CLCN2: variants seen among roughly 807,000 people sequenced by gnomAD.
CLCN2 encodes the protein chloride voltage-gated channel 2, also known as chloride channel protein 2.
CLCN2 carries 72 observed loss-of-function variants against 108.3 expected under a neutral mutation model. The observed-to-expected ratio is 0.66, with a 90% CI of 0.55 to 0.81. The LOEUF (loss-of-function observed/expected upper bound fraction) is 0.81, where lower values mean the gene tolerates loss of function less well. Ranked by LOEUF, CLCN2 falls within the 30% of genes least tolerant of loss-of-function variation. The pLI is 0.00. For missense variants in CLCN2, 1,048 were observed against 1,205.2 expected (o/e 0.87, Z 1.93); for synonymous variants, 471 against 467.1 (o/e 1.01, Z -0.11).
At chr3:184,351,983 A>T in intron 22 of CLCN2, 30 bp downstream of exon 22, 1 of 1,523,560 alleles carries the variant, frequency 6.6e-7, no homozygotes, top group South Asian at 1.1e-5. Context: ...GAGAGCCTAG[A>T]CCAGCCCTGG....
At chr3:184,358,438 G>T in intron 3 of CLCN2, 128 bp from the exon 4 acceptor site, 3 of 1,355,514 alleles carry the variant, frequency 2.2e-6, no homozygotes, top group Non-Finnish European at 3.1e-6. Flanking sequence ...TGAAGGAAAG[G>T]GTCCCTGAGG....
intron 15 of CLCN2, 46 bp downstream of exon 15, chr3:184,354,055 C>T (rs748646018): frequency 6.3e-7 from 1 of 1,582,632 alleles, no homozygotes. Context: ...TCTAGGATGC[C>T]CTCTGCCCTT....
At chr3:184,347,405 C>G (rs535685621) in intron 22 of CLCN2, 4 of 353,478 alleles carry the variant, frequency 1.1e-5, no homozygotes, top group African/African-American at 8.5e-5. Flanking sequence ...GTCCTGAGAA[C>G]TAAGCATTAG....
rs371193424 is a variant in CLCN2 at position 184,353,425 on chromosome 3, G to A, written c.1856-3C>T. The A allele has an allele frequency of 4.9e-4, 788 of 1,603,248 alleles. 2 individuals carry two copies. The highest frequency in any genetic ancestry group is 6.2e-4 in the Non-Finnish European group (731 of 1,174,776). On this transcript the variant is annotated splice_region_variant and splice_polypyrimidine_tract_variant and intron_variant, in intron 16 of 23. Transcript: ENST00000265593. ...GGAGCCCAGCAGAATCATGGACTCT[G>A]GACAGAACAGGTGGAAGGACTCAGG...
At chr3:184,358,904 A>G in intron 2 of CLCN2, 71 bp downstream of exon 2, 1 of 1,613,306 alleles carries the variant, frequency 6.2e-7, no homozygotes, top group Non-Finnish European at 8.5e-7. Flanking sequence ...CTCCCCCATC[A>G]GCAGCTCTAA....
intron 1 of CLCN2, 88 bp from the exon 2 acceptor site, chr3:184,359,219 C>G: frequency 3.4e-6 from 5 of 1,491,798 alleles, no homozygotes; most frequent in Non-Finnish European, 4.7e-6. Context: ...CTCCTCTTCT[C>G]CCAGCCCCCA....
rs375856357 is a variant in CLCN2, at chr3:184,353,324, G to C, written c.1954C>G (p.Arg652Gly). 6.2e-6 allele frequency: 10 copies of C among 1,613,408 alleles called. No homozygotes were observed. The highest frequency in any genetic ancestry group is 8.5e-6 in the Non-Finnish European group (10 of 1,179,984). ...AGTGGAGAGGTCTGGGTGGCTCTGCGCTCCTGCATGTGCTGCCGCCGGCGG... is the reference window on the plus strand; with the variant it reads ...AGTGGAGAGGTCTGGGTGGCTCTGCCCTCCTGCATGTGCTGCCGCCGGCGG... ...PARRRQHMQE[R>G]RATQTSPLSD... is the part of the protein sequence containing the mutation. The change falls in exon 17 of 24, where the codon CGC becomes GGC. Residue 652 changes from arginine to glycine, a missense_variant. By Grantham distance (125) the Arg-to-Gly change is moderately radical. Transcript: ENST00000265593.
chr3:184,358,345 C>T, intron 3 of CLCN2, 35 bp from the exon 4 acceptor site: 1 of 1,612,642 alleles, frequency 6.2e-7, no homozygotes, highest in Non-Finnish European at 8.5e-7. Context: ...CCCCAGTGCA[C>T]ACACCCACTG....
chr3:184,353,366 C>A lies in CLCN2; in HGVS notation c.1912G>T (p.Ala638Ser). Residue 638 changes from alanine to serine, a missense_variant, in exon 17 of 24, where the codon GCC (alanine) becomes TCC (serine). Physicochemically the swap from Ala to Ser is moderately conservative, Grantham distance 99. Transcript: ENST00000265593. ...CGCCGGCGGGCTGGGCTCAGCTGGGCCCCCAACAATGCCACCACCTGTGAA... is the reference window on the plus strand; with the variant it reads ...CGCCGGCGGGCTGGGCTCAGCTGGGACCCCAACAATGCCACCACCTGTGAA... ...ERSQVVALLG[A>S]QLSPARRRQH... is the part of the protein sequence containing the mutation. 1 of 1,613,028 alleles carries A rather than the reference C, an allele frequency of 6.2e-7. No homozygotes were observed. The highest frequency in any genetic ancestry group is 8.5e-7 in the Non-Finnish European group (1 of 1,179,828).
At chr3:184,351,883 C>G in intron 22 of CLCN2, 130 bp downstream of exon 22, 1 of 774,906 alleles carries the variant, frequency 1.3e-6, no homozygotes, top group Admixed American at 1.7e-5. Context: ...TAAAAAACAT[C>G]TCCGCACTGA....
intron 18 of CLCN2, 39 bp downstream of exon 18, chr3:184,352,994 T>A (rs1350655231): frequency 6.3e-7 from 1 of 1,591,086 alleles, no homozygotes; most frequent in Non-Finnish European, 8.6e-7. Context: ...TCTCAGTAGC[T>A]TGGCTGAGGC....
At chr3:184,359,171 G>C (rs1181960082) in intron 1 of CLCN2, 40 bp from the exon 2 acceptor site, 48 of 1,612,470 alleles carry the variant, frequency 3.0e-5, no homozygotes, top group Non-Finnish European at 4.1e-5. Context: ...GAGGTCATGG[G>C]CTGAGTGGGA....
Position 184,355,415 on chromosome 3 carries a change from CACGTGGTGGG to C in CLCN2, c.1275_1284del (p.Asn425LysfsTer14). 1 of 1,614,000 alleles carries C rather than the reference CACGTGGTGGG, an allele frequency of 6.2e-7. No homozygotes were observed. Among genetic ancestry groups the C allele is most frequent in the Admixed American group, 1.7e-5 (1 of 60,014 alleles). On this transcript the variant is annotated frameshift_variant, in exon 12 of 24. Coordinates refer to ENST00000265593, the MANE Select transcript of CLCN2 (RefSeq NM_004366.6). LOFTEE classifies it high-confidence loss of function. This position sits in a 1 kb window ranked among gnomAD's most constrained non-coding sequence, Gnocchi z 6.3. ...ATGACCAGGGTGAGGAAGACGTTGG[CACGTGGTGGG>C]TTCCAGGCCTGTGAGGTGCTGGGTG...
Position 184,358,890 on chromosome 3 carries a change from C to A in CLCN2, c.221-77G>T. ...CCCTTTTACTGCCCCCTCAACTGTC[C>A]CCTCTCCCCCATCAGCAGCTCTAAT... is the stretch of plus-strand genomic sequence containing the variant. On this transcript the variant is annotated intron_variant, in intron 2 of 23. Transcript: ENST00000265593. 3 of 1,613,486 alleles carry A rather than the reference C, an allele frequency of 1.9e-6. No homozygotes were observed. In the South Asian group the frequency reaches 3.3e-5, roughly 18 times the overall value.
intron 17 of CLCN2, 51 bp from the exon 18 acceptor site, chr3:184,353,198 C>T: frequency 6.2e-7 from 1 of 1,609,916 alleles, no homozygotes; most frequent in Non-Finnish European, 8.5e-7. Context: ...ACCACCCTCC[C>T]AATCAGTCTA....
chr3:184,347,015 T>C lies in CLCN2; in HGVS notation c.2422A>G (p.Thr808Ala), dbSNP rs2108553191. ...TCCACTCCCAGCAGTGAGAAGATAG[T>C]GTGAGTCTGCAGTGTGGGGAGAAAA... Reference protein sequence around the residue: ...VERTSLHKTHTIFSLLGVDHA... With the variant: ...VERTSLHKTHAIFSLLGVDHA... The change falls in exon 23 of 24, where the codon ACT becomes GCT. Residue 808 changes from threonine to alanine, a missense_variant. Coordinates refer to ENST00000265593, the MANE Select transcript of CLCN2 (RefSeq NM_004366.6). 6.2e-7 allele frequency: 1 copy of C among 1,613,608 alleles called. No individual in the cohort carries two copies. Among genetic ancestry groups the C allele is most frequent in the Non-Finnish European group, 8.5e-7 (1 of 1,179,664 alleles).
intron 22 of CLCN2, among the ~76,000 whole-genome samples, chr3:184,351,639 T>G (rs1184638211): frequency 2.0e-5 from 3 of 152,168 alleles, no homozygotes; most frequent in Non-Finnish European, 4.4e-5. Context: ...TGCCTGTTTC[T>G]CACCCGTTTT....
Position 184,357,607 on chromosome 3 carries a change from G to A in CLCN2, c.772+13C>T. Reference sequence around the variant, plus strand: ...GGGTTGTGGGGCTGGACTGACCTAGGAGCCCTGCCTACCTCCAATAGGTGC... The same window carrying A: ...GGGTTGTGGGGCTGGACTGACCTAGAAGCCCTGCCTACCTCCAATAGGTGC... On this transcript the variant is annotated intron_variant, in intron 7 of 23. Coordinates refer to ENST00000265593, the MANE Select transcript of CLCN2 (RefSeq NM_004366.6). 1 of 1,613,978 alleles carries A rather than the reference G, an allele frequency of 6.2e-7. No homozygotes were observed. The highest frequency in any genetic ancestry group is 8.5e-7 in the Non-Finnish European group (1 of 1,180,014).
At chr3:184,351,959 C>A in intron 22 of CLCN2, 54 bp downstream of exon 22, 2 of 1,304,926 alleles carry the variant, frequency 1.5e-6, no homozygotes, top group Non-Finnish European at 2.2e-6. Flanking sequence ...GGACCAAGAT[C>A]CCCACTGTGT....
Sources: gnomAD v4.1 joint callset for allele counts (sites outside exome capture counted in the v4.1 genomes callset) on GRCh38, gnomAD v4.1.1 for gene constraint, Gnocchi (gnomAD v3.1) non-coding constraint, MANE v1.5 for transcripts, NCBI Gene and HGNC (gene_info 2026-07-23, HGNC 2026-07-21) for gene names.